The following HIP1 variants were observed in gnomAD, a reference collection of about 807,000 sequenced individuals.
The protein encoded by HIP1 is huntingtin interacting protein 1.
HIP1 carries 65 observed loss-of-function variants against 147.6 expected under a neutral mutation model. The observed-to-expected ratio is 0.44, with a 90% CI of 0.36 to 0.54. The LOEUF is 0.54. Ranked by LOEUF, HIP1 falls within the 20% of genes least tolerant of loss-of-function variation. HIP1 has a pLI of 0.00. For missense variants in HIP1, 1,061 were observed against 1,299.6 expected (o/e 0.82, Z 2.82); for synonymous variants, 479 against 504.0 (o/e 0.95, Z 0.67).
At chr7:75,564,055 C>G (rs1795323502) in intron 9 of HIP1, among the ~76,000 whole-genome samples, 1 of 152,018 alleles carries the variant, frequency 6.6e-6, no homozygotes, top group African/African-American at 2.4e-5. Flanking sequence ...CCATGCCTGG[C>G]TAATTTTTAA....
chr7:75,710,454 A>C (rs1432524990), intron 1 of HIP1, among the ~76,000 whole-genome samples: 1 of 152,216 alleles, frequency 6.6e-6, no homozygotes, highest in Non-Finnish European at 1.5e-5. Context: ...TTTATAAGGA[A>C]TACTGATCAA....
intron 2 of HIP1, among the ~76,000 whole-genome samples, chr7:75,598,804 C>T (rs781847035): frequency 5.9e-5 from 9 of 152,062 alleles, no homozygotes; most frequent in East Asian, 1.9e-4. Flanking sequence ...GAGGCTGAGA[C>T]GAGAGGATTG....
At chr7:75,623,819 CA>C (rs1797940013) in intron 1 of HIP1, among the ~76,000 whole-genome samples, 1 of 152,182 alleles carries the variant, frequency 6.6e-6, no homozygotes, top group East Asian at 1.9e-4. Context: ...GTAATCCCAG[CA>C]CTTTGGGAGG....
intron 1 of HIP1, among the ~76,000 whole-genome samples, chr7:75,713,220 C>A (rs1220024285): frequency 6.6e-6 from 1 of 152,190 alleles, no homozygotes; most frequent in Admixed American, 6.6e-5. Context: ...GAAGAAACAG[C>A]CACCAGCCCT....
At chr7:75,606,933 A>C (rs1451409697) in intron 1 of HIP1, among the ~76,000 whole-genome samples, 2 of 152,108 alleles carry the variant, frequency 1.3e-5, no homozygotes, top group African/African-American at 4.8e-5. Flanking sequence ...TCTTAGGCTT[A>C]GAAAGGCTAA....
chr7:75,682,016 C>T (rs1384251524), intron 1 of HIP1, among the ~76,000 whole-genome samples: 5 of 126,978 alleles, frequency 3.9e-5, no homozygotes, highest in African/African-American at 9.1e-5. Context: ...AGGCAACAAC[C>T]TCTTTTTTTT....
intron 1 of HIP1, among the ~76,000 whole-genome samples, chr7:75,686,843 CTTTTTTTTT>C (rs55942242): frequency 2.5e-5 from 2 of 80,140 alleles, no homozygotes; most frequent in South Asian, 5.0e-4. Flanking sequence ...TATTTTAGTT[CTTTTTTTTT>C]TTTTTTTTTT....
intron 5 of HIP1, among the ~76,000 whole-genome samples, chr7:75,584,688 T>C (rs1796187548): frequency 6.6e-6 from 1 of 151,992 alleles, no homozygotes. Context: ...AGGGACCCCT[T>C]TGGCCTCTAT....
chr7:75,723,819 T>C (rs1424691507), intron 1 of HIP1, among the ~76,000 whole-genome samples: 3 of 152,130 alleles, frequency 2.0e-5, no homozygotes, highest in Non-Finnish European at 2.9e-5. Flanking sequence ...CCTTCTGCCA[T>C]GTAGAAGGCC....
intron 21 of HIP1, among the ~76,000 whole-genome samples, chr7:75,553,868 T>TGTTACG (rs1292749990): frequency 6.6e-6 from 1 of 152,186 alleles, no homozygotes; most frequent in African/African-American, 2.4e-5. Context: ...CCTCCCAAAG[T>TGTTACG]GTTACGGCGA....
intron 2 of HIP1, among the ~76,000 whole-genome samples, chr7:75,597,071 G>T (rs1309587250): frequency 6.6e-6 from 1 of 152,148 alleles, no homozygotes; most frequent in East Asian, 1.9e-4. Flanking sequence ...CATCGCAAGG[G>T]TACCAAACGT....
chr7:75,634,941 GAAAA>G (rs58461422), intron 1 of HIP1, among the ~76,000 whole-genome samples: 857 of 62,498 alleles, frequency 0.014, 6 homozygotes, highest in African/African-American at 0.041. Context: ...CACTATCTCT[GAAAA>G]AAAAAAAAAA....
chr7:75,656,615 C>G (rs1248915636), intron 1 of HIP1, among the ~76,000 whole-genome samples: 4 of 151,770 alleles, frequency 2.6e-5, no homozygotes, highest in Admixed American at 2.6e-4. Context: ...GTAGCTGGGA[C>G]TACAGGCGTG....
At chr7:75,676,489 C>G (rs1799892824) in intron 1 of HIP1, among the ~76,000 whole-genome samples, 1 of 152,008 alleles carries the variant, frequency 6.6e-6, no homozygotes, top group Non-Finnish European at 1.5e-5. Flanking sequence ...TATAGAAGCC[C>G]CCTATGGCCT....
At chr7:75,558,363 G>A (rs1158465933) in intron 14 of HIP1, 108 bp from the exon 15 acceptor site, 1 of 828,746 alleles carries the variant, frequency 1.2e-6, no homozygotes, top group Non-Finnish European at 2.1e-6. Context: ...TTTTGAGACA[G>A]TCTTGCTCTG....
rs782712426 is a variant in HIP1 at position 75,539,371 on chromosome 7, G to A, written c.3013C>T (p.Arg1005Trp). The A allele has an allele frequency of 1.8e-5, 29 of 1,614,106 alleles. No homozygotes were observed. The highest frequency in any genetic ancestry group is 2.2e-5 in the South Asian group (2 of 91,076). ...CCAGCAAGCTCGTAGTGCTTTTTCC[G>A]AAGCTCTCCCAGTTTTTGACGCTCC... ...QKERQKLGELRKKHYELAGVA... is the reference protein window; with the variant it reads ...QKERQKLGELWKKHYELAGVA... Residue 1005 changes from arginine (R) to tryptophan (W), a missense_variant, in exon 30 of 31, where the codon CGG becomes TGG. This residue lies in a region of HIP1 where 810 missense variants were observed against 946.8 expected (regional missense o/e 0.86). Coordinates refer to ENST00000336926, the MANE Select transcript of HIP1 (RefSeq NM_005338.7).
chr7:75,599,367 C>G (rs1362232116), intron 1 of HIP1, 120 bp from the exon 2 acceptor site: 3 of 764,504 alleles, frequency 3.9e-6, no homozygotes, highest in Admixed American at 2.1e-5. Flanking sequence ...CCCAGCCCCA[C>G]GGGTGGTCGG....
At chr7:75,662,531 C>A (rs560876929) in intron 1 of HIP1, among the ~76,000 whole-genome samples, 1 of 151,962 alleles carries the variant, frequency 6.6e-6, no homozygotes, top group East Asian at 1.9e-4. Flanking sequence ...TTTGAGACAG[C>A]GTCTCGCTCT....
intron 1 of HIP1, among the ~76,000 whole-genome samples, chr7:75,684,408 A>ACT (rs1264596685): frequency 6.8e-6 from 1 of 146,186 alleles, no homozygotes; most frequent in Admixed American, 7.3e-5. Context: ...AGATTGCATC[A>ACT]CTGCACTCCA....
Sources: gnomAD v4.1 joint callset for allele counts (sites outside exome capture counted in the v4.1 genomes callset) on GRCh38, gnomAD v4.1.1 for gene constraint, gnomAD v4.1.1 regional missense constraint, MANE v1.5 for transcripts, NCBI Gene and HGNC (gene_info 2026-07-23, HGNC 2026-07-21) for gene names.